NBEAL1: variants seen among roughly 807,000 people sequenced by gnomAD.
NBEAL1 encodes neurobeachin like 1.
In NBEAL1, 273 loss-of-function variants were observed where a neutral mutation model predicts 351.3. That is an observed-to-expected ratio of 0.78 (90% CI 0.70 to 0.86). The LOEUF is 0.86. Among genes scored for constraint, NBEAL1 ranks in the 40% least tolerant of loss-of-function variants. The pLI is 0.00. For missense variants in NBEAL1, 2,961 were observed against 3,201.3 expected (o/e 0.92, Z 1.81); for synonymous variants, 1,050 against 1,086.4 (o/e 0.97, Z 0.66).
At chr2:203,213,253 G>A (rs949186034) in intron 54 of NBEAL1, among the ~76,000 whole-genome samples, 13 of 152,120 alleles carry the variant, frequency 8.5e-5, no homozygotes, top group African/African-American at 3.1e-4. Context: ...CTTCATGGTT[G>A]CTTTATTAAT....
chr2:203,161,730 G>A (rs2063968720), intron 36 of NBEAL1, among the ~76,000 whole-genome samples: 1 of 151,976 alleles, frequency 6.6e-6, no homozygotes, highest in African/African-American at 2.4e-5. Context: ...CTATTGGGAA[G>A]GCTGAGGCAA....
chr2:203,154,123 A>C (rs2063735046), intron 35 of NBEAL1, among the ~76,000 whole-genome samples: 1 of 151,632 alleles, frequency 6.6e-6, no homozygotes. Context: ...GTAGTCCCAG[A>C]TACTTGGGAG....
At position 203,224,280 on chromosome 2, in the gene NBEAL1, A is replaced by G. The variant is rs2065985004; in HGVS notation, c.*6926A>G. 6.6e-6 allele frequency among the ~76,000 whole-genome samples: 1 copy of G among 152,072 alleles called. No individual in the cohort carries two copies. Among genetic ancestry groups the G allele is most frequent in the African/African-American group, 2.4e-5 (1 of 41,436 alleles). ...TTTTATAAGTAGCTTTATATAAGAA[A>G]ACTTCTTAGAAAACTATGTGGCTGG... On this transcript the variant is annotated 3_prime_UTR_variant, in exon 56 of 56. Transcript: ENST00000683969.
chr2:203,032,017 C>T (rs1207617000), intron 2 of NBEAL1, among the ~76,000 whole-genome samples: 2 of 152,130 alleles, frequency 1.3e-5, no homozygotes, highest in African/African-American at 4.8e-5. Flanking sequence ...CTCAGTTGTT[C>T]TTTATTATTT....
chr2:203,106,312 C>G (rs893045846), intron 12 of NBEAL1, among the ~76,000 whole-genome samples: 1 of 152,194 alleles, frequency 6.6e-6, no homozygotes, highest in Non-Finnish European at 1.5e-5. Flanking sequence ...TCCCTGTTTT[C>G]TGAAACATGC....
chr2:203,114,453 A>G (rs1435179930), intron 17 of NBEAL1, among the ~76,000 whole-genome samples: 1 of 152,242 alleles, frequency 6.6e-6, no homozygotes, highest in Non-Finnish European at 1.5e-5. Context: ...CAGTAGAATT[A>G]GGGAACCTTG....
intron 4 of NBEAL1, among the ~76,000 whole-genome samples, chr2:203,051,646 A>G (rs2061324364): frequency 6.6e-6 from 1 of 152,056 alleles, no homozygotes; most frequent in Non-Finnish European, 1.5e-5. Flanking sequence ...ACCTACTACA[A>G]TTTTGCTGAA....
chr2:203,028,996 A>G (rs561250268), intron 2 of NBEAL1, among the ~76,000 whole-genome samples: 1 of 152,128 alleles, frequency 6.6e-6, no homozygotes, highest in Admixed American at 6.5e-5. Flanking sequence ...CCTGCATCAG[A>G]AACTTTTGAG....
In NBEAL1 at chr2:203,143,521, C is replaced by T. The variant is rs866934381; in HGVS notation, c.4849-1079C>T. ...TTTAAGCAGGATTCAGTCAGGGCTC[C>T]AGTTCCATTTATTTGCTGTCCTCAC... On this transcript the variant is annotated intron_variant, in intron 31 of 55. Coordinates refer to ENST00000683969, the MANE Select transcript of NBEAL1 (RefSeq NM_001378026.1). Among the ~76,000 whole-genome samples, 7 of 145,664 alleles carry T rather than the reference C, an allele frequency of 4.8e-5. No homozygotes were observed. In the South Asian group the frequency reaches 6.2e-4, roughly 13 times the overall value.
intron 2 of NBEAL1, among the ~76,000 whole-genome samples, chr2:203,023,490 C>G (rs916353661): frequency 9.9e-5 from 15 of 152,108 alleles, no homozygotes; most frequent in African/African-American, 3.6e-4. Flanking sequence ...TAAATTCTTT[C>G]CTTTTGAGCA....
chr2:203,209,383 T>G (rs1048488071), intron 53 of NBEAL1, 61 bp downstream of exon 53: 1 of 1,228,446 alleles, frequency 8.1e-7, no homozygotes, highest in African/African-American at 1.5e-5. Flanking sequence ...CCTCCCCACA[T>G]TATAGATGAG....
At chr2:203,110,854 C>G (rs2062556340) in intron 15 of NBEAL1, among the ~76,000 whole-genome samples, 1 of 147,908 alleles carries the variant, frequency 6.8e-6, no homozygotes, top group Non-Finnish European at 1.5e-5. Context: ...CAACCTCTGC[C>G]TCCCGGGTTC....
chr2:203,195,767 C>A (rs1039690786), intron 47 of NBEAL1, among the ~76,000 whole-genome samples: 1 of 152,026 alleles, frequency 6.6e-6, no homozygotes, highest in Non-Finnish European at 1.5e-5. Flanking sequence ...ATTTTTTTGT[C>A]GTCAGAGAAG....
chr2:203,071,421 T>C (rs75106572), intron 7 of NBEAL1, among the ~76,000 whole-genome samples: 3 of 152,200 alleles, frequency 2.0e-5, no homozygotes, highest in Admixed American at 2.0e-4. Flanking sequence ...CTCATTTAAC[T>C]TTAATCACTT....
chr2:203,177,183 T>C (rs1360314591), intron 42 of NBEAL1, among the ~76,000 whole-genome samples: 1 of 132,964 alleles, frequency 7.5e-6, no homozygotes, highest in Admixed American at 7.5e-5. Flanking sequence ...AGAAAAGAAA[T>C]GAAATGAAAA....
Position 203,136,107 on chromosome 2 carries a change from G to A in NBEAL1, c.4244G>A (p.Ser1415Asn), listed in dbSNP as rs776006363. Residue 1415 changes from serine (S) to asparagine (N), a missense_variant, in exon 28 of 56, where the codon AGT (serine) becomes AAT (asparagine). Physicochemically the swap from Ser to Asn is conservative, Grantham distance 46 (BLOSUM62 1). Coordinates refer to ENST00000683969, the MANE Select transcript of NBEAL1 (RefSeq NM_001378026.1). ...ATTGACTCATGTGAAATGAGTGATA[G>A]TGGAAGTCAAGTGCCAGACAGTCTG... Reference protein sequence around the residue: ...SGIDSCEMSDSGSQVPDSLPS... With the variant: ...SGIDSCEMSDNGSQVPDSLPS... 1 of 1,614,150 alleles carries A rather than the reference G, an allele frequency of 6.2e-7. No individual in the cohort carries two copies. The highest frequency in any genetic ancestry group is 1.1e-5 in the South Asian group (1 of 91,078).
chr2:203,020,195 A>C (rs2060745326), intron 2 of NBEAL1, among the ~76,000 whole-genome samples: 1 of 152,116 alleles, frequency 6.6e-6, no homozygotes, highest in Non-Finnish European at 1.5e-5. Context: ...TTCAGGTCTA[A>C]CTTCACTTTC....
intron 10 of NBEAL1, among the ~76,000 whole-genome samples, chr2:203,088,834 G>A (rs1016929145): frequency 1.3e-5 from 2 of 152,190 alleles, no homozygotes; most frequent in Non-Finnish European, 2.9e-5. Context: ...TGACTTGGGA[G>A]ATTGGGAACA....
At chr2:203,091,505 T>G (rs987466683) in intron 10 of NBEAL1, among the ~76,000 whole-genome samples, 2 of 152,236 alleles carry the variant, frequency 1.3e-5, no homozygotes, top group Non-Finnish European at 1.5e-5. Flanking sequence ...TTACTAGATA[T>G]ATGGTAATTC....
Sources: gnomAD v4.1 joint callset for allele counts (sites outside exome capture counted in the v4.1 genomes callset) on GRCh38, gnomAD v4.1.1 for gene constraint, MANE v1.5 for transcripts, NCBI Gene and HGNC (gene_info 2026-07-23, HGNC 2026-07-21) for gene names.